ZFYVE9: variants seen among roughly 807,000 people sequenced by gnomAD.
ZFYVE9 encodes the protein zinc finger FYVE-type containing 9.
ZFYVE9 carries 43 observed loss-of-function variants against 126.7 expected under a neutral mutation model. The observed-to-expected ratio is 0.34, with a 90% CI of 0.27 to 0.44. The LOEUF (loss-of-function observed/expected upper bound fraction) is 0.44, where lower values mean the gene tolerates loss of function less well. ZFYVE9 is among the 20% of genes least tolerant of loss of function. The pLI, the probability that ZFYVE9 is intolerant of heterozygous loss-of-function variation, is 1.00. For missense variants in ZFYVE9, 1,476 were observed against 1,697.0 expected (o/e 0.87, Z 2.29); for synonymous variants, 521 against 597.4 (o/e 0.87, Z 1.87).
intron 1 of ZFYVE9, among the ~76,000 whole-genome samples, chr1:52,148,646 T>C (rs550284722): frequency 6.6e-6 from 1 of 151,670 alleles, no homozygotes; most frequent in South Asian, 2.1e-4. Context: ...AATATTTCTT[T>C]CTTTTTTTTT....
chr1:52,336,753 C>T (rs1262238478), intron 15 of ZFYVE9, among the ~76,000 whole-genome samples: 2 of 151,964 alleles, frequency 1.3e-5, no homozygotes, highest in Non-Finnish European at 2.9e-5. Context: ...TGTGACTTCA[C>T]AAGGTGATTT....
chr1:52,185,900 C>CA (rs1374707223), intron 1 of ZFYVE9, among the ~76,000 whole-genome samples: 3 of 128,382 alleles, frequency 2.3e-5, no homozygotes, highest in Non-Finnish European at 4.8e-5. Flanking sequence ...AGCCTGGGGA[C>CA]AGAGTGAGAC....
Position 52,278,554 on chromosome 1 carries a change from C to T in ZFYVE9, c.2809C>T (p.Pro937Ser). The T allele has an allele frequency of 6.2e-7, 1 of 1,611,098 alleles. No homozygotes were observed. Among genetic ancestry groups the T allele is most frequent in the South Asian group, 1.1e-5 (1 of 90,416 alleles). ...SVMQQLEDGG[P>S]DPLVFVLNAN... is the part of the protein sequence containing the mutation. ...AATGCAGCAGTTGGAGGATGGTGGC[C>T]CTGACCCACTTGTATTTGTTTTAAA... Residue 937 changes from proline to serine, a missense_variant, in exon 9 of 19, where the codon CCT becomes TCT. Physicochemically the swap from Pro to Ser is moderately conservative, Grantham distance 74. This residue lies in a region of ZFYVE9 where 669 missense variants were observed against 902.4 expected (regional missense o/e 0.74). Transcript: ENST00000287727.
intron 10 of ZFYVE9, among the ~76,000 whole-genome samples, chr1:52,291,261 T>C (rs1045086535): frequency 6.6e-6 from 1 of 152,200 alleles, no homozygotes; most frequent in African/African-American, 2.4e-5. Context: ...CCTTCACTTG[T>C]GGCTGCTACT....
intron 1 of ZFYVE9, among the ~76,000 whole-genome samples, chr1:52,167,904 G>A (rs887724399): frequency 6.6e-6 from 1 of 152,144 alleles, no homozygotes; most frequent in African/African-American, 2.4e-5. Flanking sequence ...AAAAATCTTT[G>A]TTTCTGTAGC....
chr1:52,322,256 G>A (rs1646247513), intron 13 of ZFYVE9, among the ~76,000 whole-genome samples: 1 of 152,056 alleles, frequency 6.6e-6, no homozygotes, highest in African/African-American at 2.4e-5. Flanking sequence ...TAATCCAGCT[G>A]CCTCTCAATC....
In ZFYVE9 at chr1:52,259,480, A is replaced by G. The variant is rs575354645; in HGVS notation, c.2179-4293A>G. On this transcript the variant is annotated intron_variant, in intron 4 of 18. Coordinates refer to ENST00000287727, the MANE Select transcript of ZFYVE9 (RefSeq NM_004799.4). The stretch of plus-strand genomic sequence containing the variant: ...ATCCCAATACAACATTTAAAAAATT[A>G]TATAAAGTAAAAGGAGAGAAAAGAT... Among the ~76,000 whole-genome samples, 4 of 152,160 alleles carry G rather than the reference A, an allele frequency of 2.6e-5. No individual in the cohort carries two copies. The South Asian group carries it at 8.3e-4, about 32-fold the overall frequency.
rs1432236030 is a variant in ZFYVE9 at position 52,304,045 on chromosome 1, T to G, written c.3438+120T>G. 6.9e-6 allele frequency: 4 copies of G among 577,022 alleles called. No homozygotes were observed. In the East Asian group the frequency reaches 1.4e-4, roughly 21 times the overall value. The allele number at this position is 577,022 out of a possible 1,614,324, so 35.7% of individuals were successfully genotyped here. A position where few individuals can be genotyped will look rare whatever the true frequency, so the allele number is the denominator to read the frequency against. ...TAACAATGAAATCAGTTAATAATAT[T>G]GTATGGCTTAGTTCAATTATGGGGA... On this transcript the variant is annotated intron_variant, in intron 13 of 18. Transcript: ENST00000287727.
intron 1 of ZFYVE9, among the ~76,000 whole-genome samples, chr1:52,143,455 C>CA (rs1359730736): frequency 6.6e-6 from 1 of 152,030 alleles, no homozygotes; most frequent in African/African-American, 2.4e-5. Context: ...TAGGTACTTG[C>CA]AAAACTTTTA....
chr1:52,267,238 G>A (rs1645643181), intron 6 of ZFYVE9, among the ~76,000 whole-genome samples: 1 of 152,216 alleles, frequency 6.6e-6, no homozygotes, highest in East Asian at 1.9e-4. Flanking sequence ...TTCAAGTATT[G>A]CTTTTTGGAG....
intron 13 of ZFYVE9, among the ~76,000 whole-genome samples, chr1:52,315,904 G>A (rs931735576): frequency 6.6e-6 from 1 of 152,116 alleles, no homozygotes; most frequent in Non-Finnish European, 1.5e-5. Context: ...GATGGCTCAC[G>A]CCTGTAATCC....
intron 13 of ZFYVE9, among the ~76,000 whole-genome samples, chr1:52,325,609 G>T (rs964888335): frequency 1.3e-5 from 2 of 152,130 alleles, no homozygotes; most frequent in African/African-American, 4.8e-5. Flanking sequence ...AAAGAAAATC[G>T]TGCTAACCAC....
At chr1:52,217,345 G>C (rs186180038) in intron 2 of ZFYVE9, among the ~76,000 whole-genome samples, 4 of 152,136 alleles carry the variant, frequency 2.6e-5, no homozygotes, top group Admixed American at 6.5e-5. Flanking sequence ...CAGAAGCGGG[G>C]GTAGGATTGT....
intron 1 of ZFYVE9, among the ~76,000 whole-genome samples, chr1:52,181,692 G>C (rs952194666): frequency 6.6e-6 from 1 of 151,870 alleles, no homozygotes; most frequent in Admixed American, 6.5e-5. Flanking sequence ...GTCTCTGCCC[G>C]GCCGCCCATC....
chr1:52,190,882 C>G (rs945728614), intron 1 of ZFYVE9, among the ~76,000 whole-genome samples: 1 of 152,192 alleles, frequency 6.6e-6, no homozygotes, highest in Non-Finnish European at 1.5e-5. Context: ...TAAACTATAT[C>G]TGGCTTGACA....
At chr1:52,335,808 C>A (rs1646382914) in intron 15 of ZFYVE9, among the ~76,000 whole-genome samples, 1 of 152,158 alleles carries the variant, frequency 6.6e-6, no homozygotes, top group African/African-American at 2.4e-5. Context: ...TTCATTTTTA[C>A]AGTAGCTCAC....
chr1:52,190,405 T>A (rs1644806047), intron 1 of ZFYVE9: 1 of 152,220 alleles, frequency 6.6e-6, no homozygotes, highest in African/African-American at 2.4e-5. Flanking sequence ...ACTTTGGGGT[T>A]CCGTTAGGTG....
At chr1:52,184,230 T>G (rs946495635) in intron 1 of ZFYVE9, among the ~76,000 whole-genome samples, 1 of 145,760 alleles carries the variant, frequency 6.9e-6, no homozygotes, top group Non-Finnish European at 1.5e-5. Context: ...TAGATATATA[T>G]ATATATATTT....
chr1:52,300,866 T>G (rs551028760), intron 12 of ZFYVE9, among the ~76,000 whole-genome samples: 2 of 151,226 alleles, frequency 1.3e-5, no homozygotes, highest in Non-Finnish European at 3.0e-5. Context: ...TTTTTTGGTT[T>G]TTTTTTTTTT....
Sources: gnomAD v4.1 joint callset for allele counts (sites outside exome capture counted in the v4.1 genomes callset) on GRCh38, gnomAD v4.1.1 for gene constraint, gnomAD v4.1.1 regional missense constraint, MANE v1.5 for transcripts, NCBI Gene and HGNC (gene_info 2026-07-23, HGNC 2026-07-21) for gene names.